Variants in ZFHX3 observed in about 807,000 individuals in gnomAD.
ZFHX3 encodes zinc finger homeobox 3, also known as zinc finger homeobox protein 3.
A neutral mutation model predicts 279.1 loss-of-function variants in ZFHX3; 42 were observed. The ratio of observed to expected loss-of-function variants is 0.15; its 90% CI spans 0.12 to 0.19. The LOEUF (loss-of-function observed/expected upper bound fraction) is 0.19, where lower values mean the gene tolerates loss of function less well. Ranked by LOEUF, ZFHX3 falls within the 10% of genes least tolerant of loss-of-function variation. The pLI is 1.00. For missense variants in ZFHX3, 4,981 were observed against 4,754.0 expected (o/e 1.05, Z -1.40); for synonymous variants, 2,293 against 1,957.8 (o/e 1.17, Z -4.52).
chr16:72,929,168 G>C (rs1959650994), intron 3 of ZFHX3, among the ~76,000 whole-genome samples: 1 of 151,788 alleles, frequency 6.6e-6, no homozygotes, highest in African/African-American at 2.4e-5. Context: ...AACCTGGGAA[G>C]TGGAGGTTGC....
intron 2 of ZFHX3, among the ~76,000 whole-genome samples, chr16:73,619,915 G>C (rs1178482189): frequency 6.6e-6 from 1 of 152,150 alleles, no homozygotes; most frequent in African/African-American, 2.4e-5. Flanking sequence ...TAGGAATGTG[G>C]TTTATATTTT....
chr16:73,579,788 A>G (rs2051838802), intron 2 of ZFHX3, among the ~76,000 whole-genome samples: 1 of 148,820 alleles, frequency 6.7e-6, no homozygotes, highest in African/African-American at 2.5e-5. Context: ...AATTATAAAA[A>G]TATTCTCCTT....
Position 72,950,411 on chromosome 16 carries a change from G to A in ZFHX3, c.3216+58C>T, listed in dbSNP as rs141173906. On this transcript the variant is annotated intron_variant, in intron 3 of 9. Coordinates refer to ENST00000268489, the MANE Select transcript of ZFHX3 (RefSeq NM_006885.4). ...CCTCCCCAGTGCTCCCTAACTCCCCGGTGCGCAACCCCCTCCTTTCAGAAA... is the reference window on the plus strand; with the variant it reads ...CCTCCCCAGTGCTCCCTAACTCCCCAGTGCGCAACCCCCTCCTTTCAGAAA... 146 of 1,579,000 alleles carry A rather than the reference G, an allele frequency of 9.2e-5. 1 individual carries two copies. The East Asian group carries it at 2.4e-3, about 26-fold the overall frequency.
intron 5 of ZFHX3, among the ~76,000 whole-genome samples, chr16:73,223,701 G>A (rs540480017): frequency 2.0e-4 from 30 of 152,234 alleles, no homozygotes; most frequent in African/African-American, 7.2e-4. Context: ...ATTCTCCTTA[G>A]TATTTACCCA....
intron 1 of ZFHX3, among the ~76,000 whole-genome samples, chr16:73,776,685 A>G (rs1959260322): frequency 6.6e-6 from 1 of 152,210 alleles, no homozygotes; most frequent in South Asian, 2.1e-4. Context: ...TTGCGTTTCC[A>G]GATGACAAAC....
At chr16:73,235,828 G>A (rs1008667846) in intron 5 of ZFHX3, among the ~76,000 whole-genome samples, 6 of 152,176 alleles carry the variant, frequency 3.9e-5, no homozygotes, top group African/African-American at 7.2e-5. Context: ...GCGCCACCAC[G>A]CTAGGCAAAG....
intron 3 of ZFHX3, among the ~76,000 whole-genome samples, chr16:73,445,294 G>A (rs9938330): frequency 3.1e-5 from 3 of 97,730 alleles, no homozygotes; most frequent in Non-Finnish European, 7.0e-5. Flanking sequence ...ATATATATAT[G>A]TATATGTATG....
At chr16:73,480,229 G>A (rs1413703110) in intron 2 of ZFHX3, among the ~76,000 whole-genome samples, 1 of 148,916 alleles carries the variant, frequency 6.7e-6, no homozygotes, top group Non-Finnish European at 1.5e-5. Context: ...CCTTTTCTTT[G>A]AACTGATTGT....
At chr16:73,446,172 A>C (rs2018182044) in intron 3 of ZFHX3, among the ~76,000 whole-genome samples, 1 of 152,212 alleles carries the variant, frequency 6.6e-6, no homozygotes, top group Non-Finnish European at 1.5e-5. Context: ...GGTGGAGTAC[A>C]TTTGGATCAC....
exon 1 of ZFHX3, chr16:73,059,532 C>CTCTCTCTCTCTCTA (rs1965653441): frequency 7.6e-6 from 1 of 132,140 alleles, no homozygotes; most frequent in Non-Finnish European, 1.6e-5. Context: ...CTTTCTCTCT[C>CTCTCTCTCTCTCTA]TCTCTCTCTC....
At chr16:72,844,416 T>G (rs1328293985) in intron 4 of ZFHX3, among the ~76,000 whole-genome samples, 1 of 152,274 alleles carries the variant, frequency 6.6e-6, no homozygotes, top group Middle Eastern at 3.4e-3. Context: ...CCATTTCTTT[T>G]CTACTCTGCC....
intron 3 of ZFHX3, among the ~76,000 whole-genome samples, chr16:72,920,231 A>C (rs1252413937): frequency 1.3e-5 from 2 of 152,204 alleles, no homozygotes; most frequent in East Asian, 3.8e-4. Flanking sequence ...AGCATCTCAT[A>C]CATATCAACA....
At chr16:73,711,582 G>A (rs769942380) in intron 1 of ZFHX3, among the ~76,000 whole-genome samples, 19 of 152,244 alleles carry the variant, frequency 1.2e-4, no homozygotes, top group Admixed American at 4.6e-4. Flanking sequence ...AAGTGGGGGT[G>A]CAGATATATG....
At chr16:73,374,610 T>C (rs142062292) in intron 3 of ZFHX3, among the ~76,000 whole-genome samples, 1 of 152,368 alleles carries the variant, frequency 6.6e-6, no homozygotes, top group East Asian at 1.9e-4. Flanking sequence ...GATTGTCCTA[T>C]ACATTTTATT....
At chr16:73,562,276 C>T (rs1352632757) in intron 2 of ZFHX3, among the ~76,000 whole-genome samples, 1 of 152,088 alleles carries the variant, frequency 6.6e-6, no homozygotes, top group Non-Finnish European at 1.5e-5. Flanking sequence ...TTGCAAAGGG[C>T]CACAGTGGTG....
chr16:73,627,685 G>A (rs944007195), intron 2 of ZFHX3, among the ~76,000 whole-genome samples: 2 of 152,202 alleles, frequency 1.3e-5, no homozygotes, highest in African/African-American at 2.4e-5. Flanking sequence ...ATGGGAGGCC[G>A]AGGCAGGTGG....
intron 7 of ZFHX3, among the ~76,000 whole-genome samples, chr16:73,119,433 C>T (rs4643356): frequency 0.11 from 17,445 of 152,154 alleles, 1,035 homozygotes; most frequent in Middle Eastern, 0.17. Context: ...CATGGGGCTC[C>T]GCACTAAACT....
At chr16:73,002,320 G>A (rs566718267) in intron 1 of ZFHX3, among the ~76,000 whole-genome samples, 23 of 152,194 alleles carry the variant, frequency 1.5e-4, no homozygotes, top group African/African-American at 5.5e-4. Context: ...ATGCTCTGTG[G>A]TGGCTGGCTC....
chr16:73,471,854 G>GA (rs1477601113), intron 2 of ZFHX3, among the ~76,000 whole-genome samples: 2 of 152,076 alleles, frequency 1.3e-5, no homozygotes, highest in Non-Finnish European at 2.9e-5. Context: ...TCTTAGCCTG[G>GA]AAAAAACCCT....
Sources: gnomAD v4.1 joint callset for allele counts (sites outside exome capture counted in the v4.1 genomes callset) on GRCh38, gnomAD v4.1.1 for gene constraint, MANE v1.5 for transcripts, NCBI Gene and HGNC (gene_info 2026-07-23, HGNC 2026-07-21) for gene names.